Variants in CUX1 observed in about 807,000 individuals in gnomAD.
CUX1 encodes cut like homeobox 1.
A neutral mutation model predicts 158.8 loss-of-function variants in CUX1; 31 were observed. The observed-to-expected ratio is 0.20, with a 90% CI of 0.15 to 0.26. The LOEUF (loss-of-function observed/expected upper bound fraction) is 0.26. Among genes scored for constraint, CUX1 ranks in the 10% least tolerant of loss-of-function variants. The probability of loss-of-function intolerance (pLI) is 1.00; values close to 1 mark genes in which losing one functional copy is unlikely to be tolerated. For synonymous variants in CUX1, 879 were observed against 862.1 expected, an observed-to-expected ratio of 1.02 and a Z score of -0.34; for missense variants, 1,589 against 2,014.6, an observed-to-expected ratio of 0.79 and a Z score of 4.04.
chr7:102,003,691 C>T (rs971725388), intron 2 of CUX1, among the ~76,000 whole-genome samples: 1 of 152,094 alleles, frequency 6.6e-6, no homozygotes, highest in African/African-American at 2.4e-5. Flanking sequence ...TTTGCAGCCT[C>T]GTAGGTTGCT....
intron 8 of CUX1, among the ~76,000 whole-genome samples, chr7:102,136,684 C>T (rs1222698614): frequency 6.6e-5 from 10 of 152,116 alleles, no homozygotes; most frequent in Non-Finnish European, 1.3e-4. Flanking sequence ...CCACCGTGCC[C>T]GGCCATTTTA....
chr7:101,907,593 C>T (rs1295153740), intron 1 of CUX1, among the ~76,000 whole-genome samples: 1 of 152,154 alleles, frequency 6.6e-6, no homozygotes, highest in Non-Finnish European at 1.5e-5. Flanking sequence ...AGGTGATCCA[C>T]CTGCTCCAGC....
At chr7:102,045,593 G>C (rs1224842239) in intron 3 of CUX1, among the ~76,000 whole-genome samples, 1 of 152,284 alleles carries the variant, frequency 6.6e-6, no homozygotes, top group Admixed American at 6.5e-5. Flanking sequence ...CGGCAAGCTG[G>C]AGCGATTACA....
intron 9 of CUX1, among the ~76,000 whole-genome samples, chr7:102,162,858 G>A (rs1554507631): frequency 1.3e-5 from 2 of 152,094 alleles, no homozygotes; most frequent in Non-Finnish European, 2.9e-5. Flanking sequence ...GAGTTGCCAC[G>A]CTGAAAGATG....
chr7:101,860,166 C>A (rs1797288809), intron 1 of CUX1, among the ~76,000 whole-genome samples: 1 of 152,002 alleles, frequency 6.6e-6, no homozygotes, highest in Non-Finnish European at 1.5e-5. Context: ...GGGATAGATG[C>A]ATTGTCGCTG....
intron 4 of CUX1, among the ~76,000 whole-genome samples, chr7:102,072,595 C>T (rs1202782688): frequency 6.6e-6 from 1 of 152,170 alleles, no homozygotes; most frequent in African/African-American, 2.4e-5. Flanking sequence ...ATCTGCAGGG[C>T]AGAAAAGGTG....
At chr7:102,163,866 G>A (rs944074642) in intron 9 of CUX1, among the ~76,000 whole-genome samples, 3 of 152,352 alleles carry the variant, frequency 2.0e-5, no homozygotes, top group Admixed American at 6.5e-5. Flanking sequence ...TTCCCTGGGT[G>A]TGTAGTTAGA....
intron 14 of CUX1, among the ~76,000 whole-genome samples, chr7:102,272,896 C>A (rs983515005): frequency 3.3e-5 from 5 of 152,248 alleles, no homozygotes; most frequent in Middle Eastern, 3.4e-3. Context: ...CCCACTGCAC[C>A]CCCGCGGCTT....
At chr7:102,087,561 CAA>C (rs2130808853) in intron 4 of CUX1, among the ~76,000 whole-genome samples, 1 of 152,170 alleles carries the variant, frequency 6.6e-6, no homozygotes, top group South Asian at 2.1e-4. Context: ...GCCTGGGCAA[CAA>C]GAGCAAAACT....
At chr7:101,996,415 G>T (rs1035183392) in intron 2 of CUX1, among the ~76,000 whole-genome samples, 1 of 152,032 alleles carries the variant, frequency 6.6e-6, no homozygotes, top group African/African-American at 2.4e-5. Context: ...CACGCCTGCA[G>T]GTGGTCCGGC....
chr7:102,209,885 TTTTA>T (rs1424006144), intron 20 of CUX1, among the ~76,000 whole-genome samples: 2 of 152,302 alleles, frequency 1.3e-5, no homozygotes, highest in Non-Finnish European at 2.9e-5. Flanking sequence ...ATTCTATTTA[TTTTA>T]TTTATTTTTT....
chr7:102,175,113 G>A (rs1172394560), intron 10 of CUX1, among the ~76,000 whole-genome samples: 2 of 152,198 alleles, frequency 1.3e-5, no homozygotes, highest in African/African-American at 4.8e-5. Context: ...GAGTTGCTGG[G>A]AGTTGGCCAG....
At chr7:101,901,101 C>G (rs1013468879) in intron 1 of CUX1, among the ~76,000 whole-genome samples, 1 of 152,022 alleles carries the variant, frequency 6.6e-6, no homozygotes, top group Non-Finnish European at 1.5e-5. Context: ...GTGACTTGCT[C>G]AAGTTCCCAT....
intron 4 of CUX1, among the ~76,000 whole-genome samples, chr7:102,079,508 A>G (rs1361419291): frequency 1.3e-5 from 2 of 152,036 alleles, no homozygotes; most frequent in African/African-American, 4.8e-5. Flanking sequence ...CAAGAAGTTC[A>G]TCAATGTGCC....
At chr7:101,956,138 C>CTAA (rs1809754484) in intron 2 of CUX1, among the ~76,000 whole-genome samples, 2 of 64,980 alleles carry the variant, frequency 3.1e-5, no homozygotes, top group Non-Finnish European at 5.3e-5. Context: ...GCCCACGTCT[C>CTAA]AAAAAAAAAA....
chr7:101,847,954 A>G (rs2131230422), intron 1 of CUX1, among the ~76,000 whole-genome samples: 1 of 146,430 alleles, frequency 6.8e-6, no homozygotes, highest in South Asian at 2.2e-4. Flanking sequence ...GCTACTCAGG[A>G]GGCTGAGGCG....
intron 2 of CUX1, among the ~76,000 whole-genome samples, chr7:101,949,616 C>T (rs189252076): frequency 8.3e-4 from 126 of 151,778 alleles, no homozygotes; most frequent in African/African-American, 3.0e-3. Flanking sequence ...CTGCAACCTC[C>T]ACCTCCCGGG....
chr7:101,915,361 T>C (rs185779392), intron 1 of CUX1, among the ~76,000 whole-genome samples: 16 of 152,272 alleles, frequency 1.1e-4, no homozygotes, highest in Non-Finnish European at 1.5e-4. Context: ...CCCAGAGTCC[T>C]CAGCCCCCTA....
chr7:101,987,677 C>T (rs929310129), intron 2 of CUX1, among the ~76,000 whole-genome samples: 2 of 152,152 alleles, frequency 1.3e-5, no homozygotes, highest in South Asian at 2.1e-4. Flanking sequence ...CCGGCCGCTG[C>T]GGTGTCCTGG....
Sources: allele counts gnomAD v4.1 joint callset (sites outside exome capture counted in the v4.1 genomes callset), GRCh38; gene constraint gnomAD v4.1.1; transcripts MANE v1.5; gene names NCBI Gene and HGNC (gene_info 2026-07-23, HGNC 2026-07-21).